PDK3: variants seen among roughly 807,000 people sequenced by gnomAD.
The protein encoded by PDK3 is pyruvate dehydrogenase kinase, isozyme 3.
PDK3 carries 12 observed loss-of-function variants against 32.0 expected under a neutral mutation model. The ratio of observed to expected loss-of-function variants is 0.37; its 90% CI spans 0.24 to 0.61. PDK3 has a LOEUF of 0.61. PDK3 is among the 20% of genes least tolerant of loss of function. PDK3 has a pLI of 0.65. For missense variants in PDK3, 188 were observed against 316.9 expected (o/e 0.59, Z 3.09); for synonymous variants, 122 against 116.3 (o/e 1.05, Z -0.31).
chrX:24,536,384 A>G (rs1922778953), downstream of PDK3, among the ~76,000 whole-genome samples: 1 of 111,053 alleles, frequency 9.0e-6, no homozygotes, highest in Non-Finnish European at 1.9e-5. Flanking sequence ...TTTTTAAATC[A>G]TTCCTTTGTC....
intron 1 of PDK3, among the ~76,000 whole-genome samples, chrX:24,471,545 G>T (rs1181491078): frequency 8.9e-6 from 1 of 112,247 alleles, no homozygotes; most frequent in Non-Finnish European, 1.9e-5. Context: ...CGAAAAGAAG[G>T]TTATACTCTC....
chrX:24,534,849 C>T (rs750505091), downstream of PDK3, among the ~76,000 whole-genome samples: 8 of 112,064 alleles, frequency 7.1e-5, no homozygotes, highest in African/African-American at 2.3e-4. Flanking sequence ...CCTAGCTACT[C>T]AGGAAGCTGA....
chrX:24,470,634 C>T (rs1242093846), intron 1 of PDK3, among the ~76,000 whole-genome samples: 2 of 98,562 alleles, frequency 2.0e-5, no homozygotes, highest in Non-Finnish European at 4.0e-5. Flanking sequence ...TTGCAGTGAG[C>T]CAAGATCATG....
At chrX:24,511,871 AAAC>A (rs1460321832) in intron 5 of PDK3, among the ~76,000 whole-genome samples, 1 of 109,843 alleles carries the variant, frequency 9.1e-6, no homozygotes, top group Non-Finnish European at 1.9e-5. Flanking sequence ...AAAACCACAC[AAAC>A]AACAACAACA....
chrX:24,535,542 A>G (rs1922755382), downstream of PDK3, among the ~76,000 whole-genome samples: 1 of 109,351 alleles, frequency 9.1e-6, no homozygotes, highest in Non-Finnish European at 1.9e-5. Flanking sequence ...GAAGAAGAAG[A>G]AAGAAAACAT....
At position 24,526,206 on chromosome X, in the gene PDK3, C is replaced by T; in HGVS notation, c.682C>T (p.Pro228Ser). 1 of 1,204,050 alleles carries T rather than the reference C, an allele frequency of 8.3e-7. No homozygotes were observed. The highest frequency in any genetic ancestry group is 1.1e-6 in the Non-Finnish European group (1 of 888,982). ...TTTGTCTCTGTTTTCAGCCAAAGCG[C>T]CAGACAAACCTATTCAGGTGGTTTA... ...LEVEEFNAKA[P>S]DKPIQVVYVP... Residue 228 changes from proline to serine, a missense_variant, in exon 7 of 11, where the codon CCA becomes TCA. Pro to Ser is a moderately conservative substitution (Grantham distance 74, BLOSUM62 -1). Transcript: ENST00000379162.
chrX:24,516,798 C>CTT (rs568709962), intron 5 of PDK3, among the ~76,000 whole-genome samples: 2 of 99,680 alleles, frequency 2.0e-5, no homozygotes, highest in Non-Finnish European at 2.1e-5. Flanking sequence ...GTTGTATGTA[C>CTT]TTTTTTTTTT....
At chrX:24,548,558 G>T (rs1923041422) in exon 12 of PDK3, 3 of 112,223 alleles carry the variant, frequency 2.7e-5, no homozygotes, top group Admixed American at 9.5e-5. Flanking sequence ...TTGCCCTCCA[G>T]TTAGCAAAGT....
Position 24,526,078 on chromosome X carries a change from C to A in PDK3, c.674-120C>A, listed in dbSNP as rs751658495. 7.9e-6 allele frequency: 4 copies of A among 507,958 alleles called. No homozygotes were observed. In the South Asian group the frequency reaches 1.0e-4, roughly 13 times the overall value. 41.9% of individuals were successfully genotyped at this position (507,958 alleles called of 1,213,427 possible). A position where few individuals can be genotyped will look rare whatever the true frequency, so the allele number is the denominator to read the frequency against. Reference sequence around the variant, plus strand: ...TCAGCCCTGCCTTTAGAGGTGGAAACTCAAATTAGCCTTTTATAGAGCTCT... The same window carrying A: ...TCAGCCCTGCCTTTAGAGGTGGAAAATCAAATTAGCCTTTTATAGAGCTCT... On this transcript the variant is annotated intron_variant, in intron 6 of 10. Transcript: ENST00000379162.
chrX:24,531,256 C>T (rs759382313), intron 9 of PDK3, among the ~76,000 whole-genome samples: 5 of 111,435 alleles, frequency 4.5e-5, no homozygotes, highest in South Asian at 3.8e-4. Context: ...GATGGGGTTT[C>T]GCCATGTTGG....
At chrX:24,510,605 AAT>A (rs2148194522) in intron 5 of PDK3, among the ~76,000 whole-genome samples, 1 of 111,830 alleles carries the variant, frequency 8.9e-6, no homozygotes, top group South Asian at 3.7e-4. Context: ...AGTATTTTTG[AAT>A]TTCTCTATCT....
intron 9 of PDK3, among the ~76,000 whole-genome samples, chrX:24,528,788 C>T (rs1358961306): frequency 8.9e-6 from 1 of 112,140 alleles, no homozygotes; most frequent in African/African-American, 3.2e-5. Context: ...TGAGAAAAGC[C>T]ACTGGTTACC....
intron 1 of PDK3, among the ~76,000 whole-genome samples, chrX:24,470,628 A>G (rs772648181): frequency 1.0e-5 from 1 of 100,139 alleles, no homozygotes; most frequent in South Asian, 5.1e-4. Context: ...CGGAGGTTGC[A>G]GTGAGCCAAG....
intron 5 of PDK3, among the ~76,000 whole-genome samples, chrX:24,509,544 A>G (rs887159862): frequency 1.8e-5 from 2 of 110,576 alleles, no homozygotes; most frequent in Non-Finnish European, 3.8e-5. Flanking sequence ...GTACACACAT[A>G]CAAATCCCAC....
intron 4 of PDK3, among the ~76,000 whole-genome samples, chrX:24,504,394 A>T (rs1277173123): frequency 8.9e-6 from 1 of 112,447 alleles, no homozygotes; most frequent in African/African-American, 3.2e-5. Context: ...ACATGTACAC[A>T]TATATACGTG....
In PDK3 at chrX:24,473,656, C is replaced by T. The variant is rs763772012; in HGVS notation, c.106+8095C>T. Among the ~76,000 whole-genome samples the T allele has an allele frequency of 6.4e-5, 7 of 109,649 alleles. No individual in the cohort carries two copies. In the East Asian group the frequency reaches 1.8e-3, roughly 28 times the overall value. Reference sequence around the variant, plus strand: ...TTTGCCCTATTGCCCAGGCTGGTCTCGAACTCCTGACCTTAGGTGATCTAC... The same window carrying T: ...TTTGCCCTATTGCCCAGGCTGGTCTTGAACTCCTGACCTTAGGTGATCTAC... On this transcript the variant is annotated intron_variant, in intron 1 of 10. Transcript: ENST00000379162.
chrX:24,481,869 A>G (rs1921269148), intron 1 of PDK3, among the ~76,000 whole-genome samples: 1 of 112,224 alleles, frequency 8.9e-6, no homozygotes, highest in Non-Finnish European at 1.9e-5. Context: ...GAACAAACTA[A>G]TACAGAGATC....
intron 6 of PDK3, among the ~76,000 whole-genome samples, chrX:24,525,050 A>G (rs1486514898): frequency 1.8e-5 from 2 of 111,205 alleles, no homozygotes; most frequent in African/African-American, 6.5e-5. Flanking sequence ...CCAGACACTC[A>G]GGAGGCCGAG....
At chrX:24,516,798 CT>C (rs568709962) in intron 5 of PDK3, among the ~76,000 whole-genome samples, 208 of 99,506 alleles carry the variant, frequency 2.1e-3, no homozygotes, top group East Asian at 6.5e-3. Flanking sequence ...GTTGTATGTA[CT>C]TTTTTTTTTT....
Sources: allele counts gnomAD v4.1 joint callset (sites outside exome capture counted in the v4.1 genomes callset), GRCh38; gene constraint gnomAD v4.1.1; transcripts MANE v1.5; gene names NCBI Gene and HGNC (gene_info 2026-07-23, HGNC 2026-07-21).